Variants in GET1 observed in about 807,000 individuals in gnomAD.
GET1 encodes congenital heart disease 5 protein.
In GET1, 20 loss-of-function variants were observed where a neutral mutation model predicts 22.6. That is an observed-to-expected ratio of 0.89 (90% CI 0.62 to 1.29). The LOEUF is 1.29. Ranked by LOEUF, GET1 falls within the 50% of genes most tolerant of loss-of-function variation. The pLI, the probability that GET1 is intolerant of heterozygous loss-of-function variation, is 0.00. For synonymous variants in GET1, 92 were observed against 83.8 expected (o/e 1.10, Z -0.53); for missense variants, 209 against 219.9 (o/e 0.95, Z 0.31).
intron 1 of GET1, among the ~76,000 whole-genome samples, chr21:39,423,746 A>T (rs189487161): frequency 6.6e-6 from 1 of 152,358 alleles, no homozygotes; most frequent in African/African-American, 2.4e-5. Context: ...TGGAGATTTT[A>T]CATCATTTGT....
chr21:39,422,454 G>A (rs1418783831), intron 1 of GET1: 1 of 154,402 alleles, frequency 6.5e-6, no homozygotes, highest in East Asian at 1.9e-4. Flanking sequence ...CTACTACCCA[G>A]GAACATTATC....
chr21:39,380,383 G>C lies in GET1; in HGVS notation c.-2G>C. 2 of 1,602,574 alleles carry C rather than the reference G, an allele frequency of 1.2e-6. 1 individual carries two copies. The highest frequency in any genetic ancestry group is 2.2e-5 in the South Asian group (2 of 89,416). The stretch of plus-strand genomic sequence containing the variant: ...GACCCAGCACAGCCAGGAGCGTCCG[G>C]GATGAGCTCAGCCGCGGCCGACCAC... On this transcript the variant is annotated 5_prime_UTR_variant, in exon 1 of 5. Coordinates refer to ENST00000649170, the MANE Select transcript of GET1 (RefSeq NM_004627.6).
intron 1 of GET1, chr21:39,422,840 A>G (rs1472982251): frequency 9.9e-6 from 8 of 810,574 alleles, no homozygotes; most frequent in South Asian, 1.7e-5. Context: ...ATTAGACAAC[A>G]TAATTATTTA....
intron 1 of GET1, chr21:39,422,908 T>C (rs1199157319): frequency 7.0e-7 from 1 of 1,419,302 alleles, no homozygotes; most frequent in South Asian, 1.3e-5. Flanking sequence ...GGCGCATCCA[T>C]GATTAATTCA....
intron 1 of GET1, among the ~76,000 whole-genome samples, chr21:39,382,430 C>T (rs1472516346): frequency 1.1e-4 from 17 of 152,230 alleles, no homozygotes; most frequent in Admixed American, 1.1e-3. Flanking sequence ...ATTCCTACCT[C>T]TCCCTGGCAA....
intron 4 of GET1, among the ~76,000 whole-genome samples, chr21:39,396,423 G>T (rs2038651519): frequency 6.6e-6 from 1 of 152,162 alleles, no homozygotes; most frequent in African/African-American, 2.4e-5. Flanking sequence ...AGCTACTCGG[G>T]AGGCTGAGGC....
At chr21:39,404,267 C>T (rs1276940931) in intron 4 of GET1, among the ~76,000 whole-genome samples, 2 of 152,182 alleles carry the variant, frequency 1.3e-5, no homozygotes. Context: ...CTCGAATAAA[C>T]ACCAGCAGGG....
At chr21:39,417,774 AT>A (rs960729340) in intron 1 of GET1, among the ~76,000 whole-genome samples, 44 of 150,756 alleles carry the variant, frequency 2.9e-4, no homozygotes, top group African/African-American at 9.2e-4. Flanking sequence ...TTAATTTTTA[AT>A]TTTTTTTTGA....
chr21:39,402,136 C>T (rs1275223549), downstream of GET1, among the ~76,000 whole-genome samples: 2 of 152,092 alleles, frequency 1.3e-5, no homozygotes, highest in Non-Finnish European at 2.9e-5. Flanking sequence ...TGGAGTCTTG[C>T]TCTGTCACCC....
intron 1 of GET1, among the ~76,000 whole-genome samples, chr21:39,382,710 C>T (rs2037629591): frequency 6.6e-6 from 1 of 152,162 alleles, no homozygotes; most frequent in Non-Finnish European, 1.5e-5. Context: ...GTAGATAATG[C>T]TAAAATGTTT....
intron 4 of GET1, among the ~76,000 whole-genome samples, chr21:39,393,677 T>G (rs1433773380): frequency 1.3e-5 from 2 of 152,198 alleles, no homozygotes; most frequent in African/African-American, 4.8e-5. Context: ...AGACTGAGTC[T>G]CACTCCGTCA....
intron 1 of GET1, among the ~76,000 whole-genome samples, chr21:39,384,186 C>T (rs148827498): frequency 2.0e-5 from 3 of 152,098 alleles, no homozygotes; most frequent in South Asian, 4.1e-4. Flanking sequence ...CATGTCTAGT[C>T]AAATCTTTTG....
At chr21:39,401,478 A>T (rs1056416540), downstream of GET1, among the ~76,000 whole-genome samples, 1 of 152,246 alleles carries the variant, frequency 6.6e-6, no homozygotes, top group Non-Finnish European at 1.5e-5. Flanking sequence ...GTTTTAGAAG[A>T]ACCTTTGCGA....
rs574920066 is a variant in GET1 at position 39,424,606 on chromosome 21, T to C, written c.*24-3626T>C. On this transcript the variant is annotated intron_variant, in intron 1 of 1. Coordinates refer to the GET1 transcript ENST00000478273. ...AATCCTTTCAACAATATGTTATGGGTAATTAGAGTATAACATGAGAATCCA... is the reference window on the plus strand; with the variant it reads ...AATCCTTTCAACAATATGTTATGGGCAATTAGAGTATAACATGAGAATCCA... Among the ~76,000 whole-genome samples the C allele has an allele frequency of 2.1e-4, 32 of 152,316 alleles. No homozygotes were observed. In the South Asian group the frequency reaches 6.6e-3, roughly 32 times the overall value.
chr21:39,425,668 G>T (rs978849014), intron 1 of GET1, among the ~76,000 whole-genome samples: 7 of 152,128 alleles, frequency 4.6e-5, no homozygotes, highest in Non-Finnish European at 1.0e-4. Flanking sequence ...TATGGATCAG[G>T]CTGGTTTAAA....
At chr21:39,416,174 A>C (rs925074550) in intron 1 of GET1, among the ~76,000 whole-genome samples, 30 of 152,196 alleles carry the variant, frequency 2.0e-4, no homozygotes, top group African/African-American at 7.2e-4. Flanking sequence ...CAGGGAAGGT[A>C]AAAATGTTTG....
chr21:39,388,097 G>A (rs940339308), intron 1 of GET1, among the ~76,000 whole-genome samples: 7 of 152,142 alleles, frequency 4.6e-5, no homozygotes, highest in African/African-American at 1.4e-4. Context: ...CTTGGGGGCC[G>A]GGCACAGTGG....
intron 1 of GET1, among the ~76,000 whole-genome samples, chr21:39,385,179 C>T (rs1423108380): frequency 6.6e-6 from 1 of 152,100 alleles, no homozygotes; most frequent in East Asian, 1.9e-4. Flanking sequence ...GGGATGGGGC[C>T]GCGCTCAGGT....
intron 4 of GET1, among the ~76,000 whole-genome samples, chr21:39,402,893 C>G (rs2038874500): frequency 6.6e-6 from 1 of 152,160 alleles, no homozygotes; most frequent in South Asian, 2.1e-4. Flanking sequence ...TAATCTGTTA[C>G]CCTCTAACTT....
Sources: allele counts gnomAD v4.1 joint callset (sites outside exome capture counted in the v4.1 genomes callset), GRCh38; gene constraint gnomAD v4.1.1; transcripts MANE v1.5; gene names NCBI Gene and HGNC (gene_info 2026-07-23, HGNC 2026-07-21).